The following CHCHD6 variants were observed in gnomAD, a reference collection of about 807,000 sequenced individuals.
CHCHD6 encodes the protein coiled-coil-helix-coiled-coil-helix domain containing 6, also known as MICOS complex subunit MIC25.
CHCHD6 carries 28 observed loss-of-function variants against 32.3 expected under a neutral mutation model. The ratio of observed to expected loss-of-function variants is 0.87; its 90% CI spans 0.64 to 1.19. CHCHD6 has a LOEUF of 1.19. Ranked by LOEUF, CHCHD6 falls within the 50% of genes most tolerant of loss-of-function variation. CHCHD6 has a pLI of 0.00. For synonymous variants in CHCHD6, 122 were observed against 117.5 expected, an observed-to-expected ratio of 1.04 and a Z score of -0.25; for missense variants, 333 against 307.0, an observed-to-expected ratio of 1.08 and a Z score of -0.63.
chr3:126,948,263 G>A lies in CHCHD6; in HGVS notation c.567-9153G>A, dbSNP rs577341840. Among the ~76,000 whole-genome samples the A allele has an allele frequency of 2.2e-4, 34 of 152,354 alleles. 1 individual carries two copies. In the East Asian group the frequency reaches 5.6e-3, roughly 25 times the overall value. On this transcript the variant is annotated intron_variant, in intron 6 of 7. Coordinates refer to ENST00000290913, the MANE Select transcript of CHCHD6 (RefSeq NM_032343.3). ...TCCTCTCACAGTTCTGGAGGGCAGA[G>A]GTCCACAATTAAGGTGTTGGTGGTC...
intron 5 of CHCHD6, among the ~76,000 whole-genome samples, chr3:126,913,058 G>A (rs1289076627): frequency 6.6e-6 from 1 of 152,142 alleles, no homozygotes; most frequent in Non-Finnish European, 1.5e-5. Context: ...TCCTACAAAT[G>A]TGCAAGGCAA....
intron 1 of CHCHD6, among the ~76,000 whole-genome samples, chr3:126,709,711 T>C (rs1248244849): frequency 6.6e-6 from 1 of 152,226 alleles, no homozygotes; most frequent in Non-Finnish European, 1.5e-5. Context: ...TTGTATCTCA[T>C]CGTGGTTTGA....
chr3:126,717,633 T>A (rs1035833060), intron 1 of CHCHD6, among the ~76,000 whole-genome samples: 1 of 152,246 alleles, frequency 6.6e-6, no homozygotes, highest in Non-Finnish European at 1.5e-5. Context: ...TGTAGCCATT[T>A]GGGAACTTGC....
rs747108711 is a variant in CHCHD6, at chr3:126,733,242, G to C, written c.411+20G>C. The C allele has an allele frequency of 1.9e-6, 3 of 1,608,658 alleles. No individual in the cohort carries two copies. Among genetic ancestry groups the C allele is most frequent in the Non-Finnish European group, 2.5e-6 (3 of 1,177,450 alleles). ...CGGCTGGTGAGTGCAGATTTTCCCTGATCTGGCCTTCTGAGCTGGGCAGCA... is the reference window on the plus strand; with the variant it reads ...CGGCTGGTGAGTGCAGATTTTCCCTCATCTGGCCTTCTGAGCTGGGCAGCA... On this transcript the variant is annotated intron_variant, in intron 4 of 7. Coordinates refer to ENST00000290913, the MANE Select transcript of CHCHD6 (RefSeq NM_032343.3).
chr3:126,704,453 G>T, intron 1 of CHCHD6, 54 bp downstream of exon 1: 2 of 1,197,932 alleles, frequency 1.7e-6, no homozygotes, highest in South Asian at 1.8e-5. Context: ...GCGCGGGGGG[G>T]AGGTGCGGGG....
At chr3:126,803,766 G>T (rs755805269) in intron 4 of CHCHD6, among the ~76,000 whole-genome samples, 5 of 152,070 alleles carry the variant, frequency 3.3e-5, no homozygotes, top group South Asian at 2.1e-4. Context: ...ATACATTTTT[G>T]TCAGCACCAC....
intron 5 of CHCHD6, among the ~76,000 whole-genome samples, chr3:126,863,206 C>T (rs1165475740): frequency 3.6e-5 from 4 of 110,128 alleles, no homozygotes; most frequent in South Asian, 3.4e-4. Flanking sequence ...CACCACCTTC[C>T]CCTCTACCAC....
chr3:126,960,263 G>A lies in CHCHD6; in HGVS notation c.*62G>A. On this transcript the variant is annotated 3_prime_UTR_variant, in exon 8 of 8. Transcript: ENST00000290913. Reference sequence around the variant, plus strand: ...GAGCCCTGAAGAAGGGACCAATCATGGGACCACAGCCACTGTGCCCTGCCG... The same window carrying A: ...GAGCCCTGAAGAAGGGACCAATCATAGGACCACAGCCACTGTGCCCTGCCG... 1 of 1,545,330 alleles carries A rather than the reference G, an allele frequency of 6.5e-7. No individual in the cohort carries two copies.
intron 4 of CHCHD6, among the ~76,000 whole-genome samples, chr3:126,821,980 T>C (rs1313842249): frequency 1.3e-5 from 2 of 152,226 alleles, no homozygotes; most frequent in Non-Finnish European, 2.9e-5. Context: ...CCTTATTAGA[T>C]ACATAAATAT....
intron 6 of CHCHD6, among the ~76,000 whole-genome samples, chr3:126,948,000 G>T (rs531304144): frequency 6.6e-6 from 1 of 152,348 alleles, no homozygotes; most frequent in African/African-American, 2.4e-5. Context: ...GGGCATTGAA[G>T]TGTAGCGGCT....
chr3:126,925,030 A>C (rs973965193), intron 6 of CHCHD6, among the ~76,000 whole-genome samples: 3 of 152,252 alleles, frequency 2.0e-5, no homozygotes, highest in African/African-American at 7.2e-5. Flanking sequence ...AGCTTGCAGC[A>C]GTCAGTATAG....
At chr3:126,806,305 G>T (rs1348925050) in intron 4 of CHCHD6, among the ~76,000 whole-genome samples, 2 of 152,142 alleles carry the variant, frequency 1.3e-5, no homozygotes, top group Admixed American at 6.5e-5. Flanking sequence ...CTACTCATCT[G>T]ACAAAGGACT....
intron 5 of CHCHD6, among the ~76,000 whole-genome samples, chr3:126,865,146 TCCTTTTCC>T (rs1942239127): frequency 1.9e-4 from 9 of 47,806 alleles, no homozygotes; most frequent in Non-Finnish European, 4.0e-4. Context: ...CACCACCACC[TCCTTTTCC>T]ACCACCTCCA....
intron 5 of CHCHD6, among the ~76,000 whole-genome samples, chr3:126,913,244 T>TTTTTTGG (rs2078121380): frequency 1.1e-5 from 1 of 93,578 alleles, no homozygotes; most frequent in Non-Finnish European, 2.1e-5. Context: ...TTTTTTTTTT[T>TTTTTTGG]GGGAGACGGA....
intron 5 of CHCHD6, among the ~76,000 whole-genome samples, chr3:126,865,022 C>G (rs1942217916): frequency 6.6e-6 from 1 of 150,866 alleles, no homozygotes; most frequent in Admixed American, 6.6e-5. Context: ...ACCACCACCA[C>G]TACCTCTACT....
chr3:126,882,295 T>A (rs1183842458), intron 5 of CHCHD6, among the ~76,000 whole-genome samples: 1 of 152,204 alleles, frequency 6.6e-6, no homozygotes, highest in Non-Finnish European at 1.5e-5. Flanking sequence ...CTCTAACCTC[T>A]CTGAGCCTCT....
At chr3:126,846,667 T>C (rs889999207) in intron 4 of CHCHD6, among the ~76,000 whole-genome samples, 1 of 152,248 alleles carries the variant, frequency 6.6e-6, no homozygotes, top group Non-Finnish European at 1.5e-5. Context: ...AAATTCTCTA[T>C]ATCTTCACAC....
At chr3:126,863,533 T>TCCTCCTCCTCCACCATCACCA (rs1559888890) in intron 5 of CHCHD6, among the ~76,000 whole-genome samples, 40 of 104,742 alleles carry the variant, frequency 3.8e-4, no homozygotes, top group African/African-American at 1.6e-3. Flanking sequence ...CATCACCACC[T>TCCTCCTCCTCCACCATCACCA]CCTCCTCCTC....
chr3:126,727,631 C>T (rs900600432), intron 2 of CHCHD6, among the ~76,000 whole-genome samples: 3 of 152,200 alleles, frequency 2.0e-5, no homozygotes, highest in African/African-American at 7.2e-5. Context: ...CTCACCTGAG[C>T]CTCAGGCCGA....
Sources: allele counts gnomAD v4.1 joint callset (sites outside exome capture counted in the v4.1 genomes callset), GRCh38; gene constraint gnomAD v4.1.1; transcripts MANE v1.5; gene names NCBI Gene and HGNC (gene_info 2026-07-23, HGNC 2026-07-21).